The following DCN variants were observed in gnomAD, a reference collection of about 807,000 sequenced individuals.
DCN encodes decorin.
DCN carries 17 observed loss-of-function variants against 36.5 expected under a neutral mutation model. The ratio of observed to expected loss-of-function variants is 0.47; its 90% CI spans 0.32 to 0.70. The LOEUF is 0.70. Ranked by LOEUF, DCN falls within the 30% of genes least tolerant of loss-of-function variation. The pLI, the probability that DCN is intolerant of heterozygous loss-of-function variation, is 0.04. For missense variants in DCN, 389 were observed against 430.1 expected (o/e 0.90, Z 0.84); for synonymous variants, 163 against 161.4 (o/e 1.01, Z -0.07).
In DCN at chr12:91,143,762, T is replaced by G. The variant is rs1880849060; in HGVS notation, c.*2296A>C. The G allele has an allele frequency of 6.6e-6, 1 of 150,450 alleles. No homozygotes were observed. Among genetic ancestry groups the G allele is most frequent in the Non-Finnish European group, 1.5e-5 (1 of 67,692 alleles). 9.3% of individuals were successfully genotyped at this position (150,450 alleles called of 1,614,324 possible). ...TCGAAGCCAAAGAAATCAGCTATAT[T>G]TATCTTTATTTCAAAGGAAATAAAG... is the stretch of plus-strand genomic sequence containing the variant. On this transcript the variant is annotated 3_prime_UTR_variant, in exon 8 of 8. Transcript: ENST00000052754.
At chr12:91,167,520 C>T (rs566946961) in intron 2 of DCN, among the ~76,000 whole-genome samples, 1 of 151,964 alleles carries the variant, frequency 6.6e-6, no homozygotes. Context: ...CCATCTGAGA[C>T]CATTTCCTGC....
chr12:91,162,053 G>C (rs1882190964), intron 3 of DCN, among the ~76,000 whole-genome samples: 1 of 151,416 alleles, frequency 6.6e-6, no homozygotes, highest in South Asian at 2.1e-4. Context: ...CGATTCTCCT[G>C]CCTCAGACTC....
chr12:91,152,600 A>G (rs897141058), intron 6 of DCN, among the ~76,000 whole-genome samples: 11 of 152,144 alleles, frequency 7.2e-5, no homozygotes, highest in Non-Finnish European at 1.5e-4. Flanking sequence ...GTTGATCTAC[A>G]TTAAATGCCC....
chr12:91,178,897 G>C (rs1037661247), intron 1 of DCN, among the ~76,000 whole-genome samples: 1 of 152,120 alleles, frequency 6.6e-6, no homozygotes, highest in Non-Finnish European at 1.5e-5. Flanking sequence ...AATAAATCAT[G>C]TTGGGCTTTT....
Position 91,140,712 on chromosome 12 carries a change from A to C in DCN, c.*5346T>G, listed in dbSNP as rs1211325764. On this transcript the variant is annotated 3_prime_UTR_variant, in exon 8 of 8. Transcript: ENST00000052754. ...TTTCCCTTGAGCTCCAAAATTCTAG[A>C]TCTAAATCCTCCTTGACACCTCCAT... 2 of 152,168 alleles carry C rather than the reference A, an allele frequency of 1.3e-5. No individual in the cohort carries two copies. Among genetic ancestry groups the C allele is most frequent in the Non-Finnish European group, 1.5e-5 (1 of 68,016 alleles). 9.4% of individuals were successfully genotyped at this position (152,168 alleles called of 1,614,324 possible). A position where few individuals can be genotyped will look rare whatever the true frequency, so the allele number is the denominator to read the frequency against.
intron 3 of DCN, among the ~76,000 whole-genome samples, chr12:91,163,218 T>C (rs1486469679): frequency 6.6e-6 from 1 of 152,260 alleles, no homozygotes; most frequent in Non-Finnish European, 1.5e-5. Context: ...ATGCATTTAC[T>C]GTTACAGAAG....
intron 5 of DCN, among the ~76,000 whole-genome samples, chr12:91,153,779 CAGA>C (rs1208225172): frequency 6.6e-6 from 1 of 151,956 alleles, no homozygotes; most frequent in Non-Finnish European, 1.5e-5. Context: ...AATGTTTATG[CAGA>C]AGGAGTGGAG....
At position 91,153,137 on chromosome 12, in the gene DCN, T is replaced by C. The variant is rs776438538; in HGVS notation, c.705A>G (p.Arg235=). 1.2e-6 allele frequency: 2 copies of C among 1,611,182 alleles called. No homozygotes were observed. Among genetic ancestry groups the C allele is most frequent in the South Asian group, 1.1e-5 (1 of 91,036 alleles). ...ELHLDGNKIS[R]VDAASLKGLN... is the part of the protein sequence containing the mutation. Reference sequence around the variant, plus strand: ...GTCCTTTCAGGCTAGCTGCATCAACTCTGCTGATTTTGTTGCCATCAAGAT... The same window carrying C: ...GTCCTTTCAGGCTAGCTGCATCAACCCTGCTGATTTTGTTGCCATCAAGAT... Residue 235 remains arginine, a synonymous_variant, in exon 6 of 8, where the codon AGA becomes AGG. Coordinates refer to ENST00000052754, the MANE Select transcript of DCN (RefSeq NM_001920.5).
intron 3 of DCN, among the ~76,000 whole-genome samples, chr12:91,159,023 T>C (rs12317240): frequency 0.017 from 2,586 of 151,850 alleles, 66 homozygotes; most frequent in African/African-American, 0.058. Flanking sequence ...GGAAATGTAA[T>C]AAGATATATA....
intron 5 of DCN, among the ~76,000 whole-genome samples, chr12:91,154,335 A>G (rs761491386): frequency 5.3e-5 from 8 of 152,128 alleles, no homozygotes; most frequent in Admixed American, 1.3e-4. Context: ...TTCCTACTTC[A>G]AATCCTTTAA....
intron 3 of DCN, among the ~76,000 whole-genome samples, chr12:91,162,828 C>T (rs542206076): frequency 1.4e-4 from 22 of 152,294 alleles, no homozygotes; most frequent in Non-Finnish European, 2.8e-4. Flanking sequence ...AAATACCATT[C>T]TTTTTCTTCA....
chr12:91,170,084 A>G (rs1332197551), intron 2 of DCN, among the ~76,000 whole-genome samples: 1 of 151,770 alleles, frequency 6.6e-6, no homozygotes, highest in Non-Finnish European at 1.5e-5. Context: ...AAAAAGAAAA[A>G]GAAAATTAGA....
intron 7 of DCN, chr12:91,150,822 A>G (rs933903680): frequency 3.9e-5 from 6 of 152,244 alleles, no homozygotes; most frequent in Non-Finnish European, 8.8e-5. Context: ...ATTTTACAAT[A>G]GCAAAAACAT....
At position 91,141,776 on chromosome 12, in the gene DCN, T is replaced by C. The variant is rs2121102341; in HGVS notation, c.*4282A>G. 6.6e-6 allele frequency: 1 copy of C among 152,272 alleles called. No individual in the cohort carries two copies. The highest frequency in any genetic ancestry group is 2.1e-4 in the South Asian group (1 of 4,826). The allele number at this position is 152,272 out of a possible 1,614,324, so 9.4% of individuals were successfully genotyped here. On this transcript the variant is annotated 3_prime_UTR_variant, in exon 8 of 8. Transcript: ENST00000052754. ...GGAAGCATTCATTCAGCCCTCACAGTCACTGCAGAATGTGTGGCCTGGGAA... is the reference window on the plus strand; with the variant it reads ...GGAAGCATTCATTCAGCCCTCACAGCCACTGCAGAATGTGTGGCCTGGGAA...
At chr12:91,172,197 A>G (rs1883005515) in intron 2 of DCN, 1 of 152,002 alleles carries the variant, frequency 6.6e-6, no homozygotes, top group African/African-American at 2.4e-5. Flanking sequence ...GATGAATAGT[A>G]TTGTTATGCT....
intron 7 of DCN, chr12:91,151,103 G>A (rs1460114670): frequency 1.9e-5 from 3 of 157,496 alleles, no homozygotes; most frequent in East Asian, 1.9e-4. Flanking sequence ...GGGGTGAGCG[G>A]GCGAACTTAG....
chr12:91,169,986 C>G (rs1006463765), intron 2 of DCN: 15 of 151,410 alleles, frequency 9.9e-5, no homozygotes, highest in African/African-American at 3.4e-4. Context: ...ATGGCGTGAA[C>G]CCGGGAGGCG....
chr12:91,159,306 C>T lies in DCN; in HGVS notation c.325-797G>A, dbSNP rs181338182. ...GCAATGCAAGGAACTAAAATTTTCC[C>T]GTAGCCTTGCAATATTTGATATTAT... On this transcript the variant is annotated intron_variant, in intron 3 of 7. Coordinates refer to ENST00000052754, the MANE Select transcript of DCN (RefSeq NM_001920.5). Among the ~76,000 whole-genome samples the T allele has an allele frequency of 5.2e-3, 790 of 152,174 alleles. 15 individuals carry two copies. The highest frequency in any genetic ancestry group is 0.03 in the Admixed American group (462 of 15,286).
chr12:91,145,196 A>C lies in DCN; in HGVS notation c.*862T>G, dbSNP rs1565768847. 6.6e-6 allele frequency: 1 copy of C among 152,364 alleles called. No homozygotes were observed. Among genetic ancestry groups the C allele is most frequent in the Non-Finnish European group, 1.5e-5 (1 of 68,028 alleles). 9.4% of individuals were successfully genotyped at this position (152,364 alleles called of 1,614,324 possible). ...TTTCTAACATGGGTGGTTTAACTAA[A>C]GAAAATACTTACGTCTAATACATCT... On this transcript the variant is annotated 3_prime_UTR_variant, in exon 8 of 8. Coordinates refer to ENST00000052754, the MANE Select transcript of DCN (RefSeq NM_001920.5).
Sources: gnomAD v4.1 joint callset for allele counts (sites outside exome capture counted in the v4.1 genomes callset) on GRCh38, gnomAD v4.1.1 for gene constraint, MANE v1.5 for transcripts, NCBI Gene and HGNC (gene_info 2026-07-23, HGNC 2026-07-21) for gene names.